The following HDAC9 variants were observed in gnomAD, a reference collection of about 807,000 sequenced individuals.
HDAC9 encodes the protein MEF-2 interacting transcription repressor (MITR) protein.
In HDAC9, 41 loss-of-function variants were observed where a neutral mutation model predicts 139.4. That is an observed-to-expected ratio of 0.29 (90% confidence interval 0.23 to 0.38). HDAC9 has a LOEUF of 0.38. HDAC9 is among the 10% of genes least tolerant of loss of function. HDAC9 has a pLI of 1.00. For synonymous variants in HDAC9, 517 were observed against 476.2 expected, an observed-to-expected ratio of 1.09 and a Z score of -1.12; for missense variants, 1,147 against 1,297.0, an observed-to-expected ratio of 0.88 and a Z score of 1.78.
Position 18,552,212 on chromosome 7 carries a change from G to T in HDAC9, c.23-33069G>T, listed in dbSNP as rs1817382087. ...GTATTTTTACATTAGGTTTATGTAGGTTTATAGGTGGAAATATAAATTATT... is the reference window on the plus strand; with the variant it reads ...GTATTTTTACATTAGGTTTATGTAGTTTTATAGGTGGAAATATAAATTATT... On this transcript the variant is annotated intron_variant, in intron 2 of 25. Transcript: ENST00000686413. Among the ~76,000 whole-genome samples the T allele has an allele frequency of 2.0e-5, 3 of 152,218 alleles. No individual in the cohort carries two copies. In the South Asian group the frequency reaches 6.2e-4, roughly 32 times the overall value.
At chr7:18,348,514 G>A (rs1224055110) in intron 1 of HDAC9, among the ~76,000 whole-genome samples, 1 of 152,060 alleles carries the variant, frequency 6.6e-6, no homozygotes, top group Non-Finnish European at 1.5e-5. Context: ...CTGTTTTTAG[G>A]CATCTATTAT....
chr7:18,610,462 A>G (rs1836801904), intron 6 of HDAC9, among the ~76,000 whole-genome samples: 1 of 152,004 alleles, frequency 6.6e-6, no homozygotes, highest in Non-Finnish European at 1.5e-5. Context: ...AGCAAAAACA[A>G]ACACTCTTTC....
chr7:18,836,204 C>T (rs1796226798), intron 21 of HDAC9, among the ~76,000 whole-genome samples: 1 of 152,124 alleles, frequency 6.6e-6, no homozygotes, highest in South Asian at 2.1e-4. Context: ...TTCCCCCTTC[C>T]CTCCCAAATA....
intron 13 of HDAC9, among the ~76,000 whole-genome samples, chr7:18,744,180 C>T (rs558703704): frequency 3.3e-5 from 5 of 151,866 alleles, no homozygotes; most frequent in East Asian, 3.9e-4. Context: ...TTAGTAGAGA[C>T]GGGGTTTCTC....
chr7:18,578,101 G>A (rs960411172), intron 2 of HDAC9: 4 of 518,376 alleles, frequency 7.7e-6, no homozygotes, highest in African/African-American at 5.8e-5. Flanking sequence ...AGAGTGCTCT[G>A]CTCCAGACCT....
intron 2 of HDAC9, among the ~76,000 whole-genome samples, chr7:18,499,824 T>C (rs1274563892): frequency 6.6e-6 from 1 of 152,216 alleles, no homozygotes; most frequent in African/African-American, 2.4e-5. Context: ...TTTATATATC[T>C]TCACCCTTTT....
chr7:18,121,594 A>T (rs1442182472), intron 1 of HDAC9, among the ~76,000 whole-genome samples: 1 of 152,140 alleles, frequency 6.6e-6, no homozygotes, highest in Non-Finnish European at 1.5e-5. Flanking sequence ...TTGAAAAAAC[A>T]GCTTTTAATC....
At chr7:18,832,739 AT>A (rs374428028) in intron 19 of HDAC9, among the ~76,000 whole-genome samples, 64 of 147,200 alleles carry the variant, frequency 4.3e-4, no homozygotes, top group African/African-American at 1.6e-3. Flanking sequence ...ATATATATAT[AT>A]TTTTTTTTTC....
At chr7:18,157,534 T>G (rs1034466463) in intron 1 of HDAC9, among the ~76,000 whole-genome samples, 2 of 152,142 alleles carry the variant, frequency 1.3e-5, no homozygotes, top group African/African-American at 4.8e-5. Context: ...AACAAACAAT[T>G]AATTGAGCTA....
At chr7:18,689,937 A>G (rs1782555089) in intron 12 of HDAC9, among the ~76,000 whole-genome samples, 1 of 152,066 alleles carries the variant, frequency 6.6e-6, no homozygotes, top group Admixed American at 6.6e-5. Flanking sequence ...TTCCATTATG[A>G]TGTGTAGAAG....
rs199549966 is a variant in HDAC9 at position 18,514,618 on chromosome 7, T to C, written c.22+18294T>C. On this transcript the variant is annotated intron_variant, in intron 2 of 25. Transcript: ENST00000686413. ...ATAAGTAAATAATTGTTTCCAGCTA[T>C]CTTTTTTCCCCAGTTTATTTTAATC... is the stretch of plus-strand genomic sequence containing the variant. Among the ~76,000 whole-genome samples, 28 of 152,320 alleles carry C rather than the reference T, an allele frequency of 1.8e-4. No homozygotes were observed. The East Asian group carries it at 5.4e-3, about 29-fold the overall frequency.
chr7:18,451,496 TTAGA>T (rs1311912262), intron 1 of HDAC9, among the ~76,000 whole-genome samples: 1 of 151,076 alleles, frequency 6.6e-6, no homozygotes, highest in East Asian at 2.0e-4. Context: ...TTGGATTACA[TTAGA>T]TAGATATGCA....
At chr7:18,131,943 C>T (rs776594460) in intron 1 of HDAC9, among the ~76,000 whole-genome samples, 7 of 152,092 alleles carry the variant, frequency 4.6e-5, no homozygotes, top group Admixed American at 2.0e-4. Flanking sequence ...AAGAGGCTGG[C>T]GTCAAGTATT....
chr7:18,731,603 C>G, intron 13 of HDAC9, among the ~76,000 whole-genome samples: 1 of 152,080 alleles, frequency 6.6e-6, no homozygotes, highest in East Asian at 1.9e-4. Flanking sequence ...AGAAAGTAGG[C>G]ATAAATTGCA....
chr7:18,678,270 G>A (rs1781658525), intron 12 of HDAC9, among the ~76,000 whole-genome samples: 1 of 151,704 alleles, frequency 6.6e-6, no homozygotes, highest in Non-Finnish European at 1.5e-5. Flanking sequence ...GTTAATACTA[G>A]TTTTTAGCAA....
chr7:18,277,194 G>C (rs1584967454), intron 2 of HDAC9, among the ~76,000 whole-genome samples: 1 of 60,872 alleles, frequency 1.6e-5, no homozygotes, highest in Admixed American at 2.7e-4. Context: ...AAGGAGATAG[G>C]AAACAATGAT....
chr7:18,830,863 C>T (rs561480550), intron 19 of HDAC9, among the ~76,000 whole-genome samples: 18 of 152,248 alleles, frequency 1.2e-4, no homozygotes, highest in Middle Eastern at 3.4e-3. Context: ...TACAATTTTA[C>T]AAAAATCAAG....
chr7:18,823,122 A>C (rs1372544596), intron 17 of HDAC9, among the ~76,000 whole-genome samples: 2 of 152,220 alleles, frequency 1.3e-5, no homozygotes, highest in Admixed American at 1.3e-4. Context: ...AGAGGGACTA[A>C]GATTAAGTGC....
chr7:18,327,821 A>AT lies in HDAC9; in HGVS notation c.-42+37312dup, dbSNP rs1446555788. The AT allele has an allele frequency of 2.0e-5, 3 of 151,970 alleles. No homozygotes were observed. The South Asian group carries it at 6.2e-4, about 31-fold the overall frequency. 9.4% of individuals were successfully genotyped at this position (151,970 alleles called of 1,614,324 possible). A position where few individuals can be genotyped will look rare whatever the true frequency, so the allele number is the denominator to read the frequency against. On this transcript the variant is annotated intron_variant, in intron 1 of 3. Coordinates refer to the HDAC9 transcript ENST00000413509. ...ACTTCCTGATTTTAATTACATAACA[A>AT]TTTTTTGGTTATTTTAATATTCATT...
Sources: allele counts gnomAD v4.1 joint callset (sites outside exome capture counted in the v4.1 genomes callset), GRCh38; gene constraint gnomAD v4.1.1; transcripts MANE v1.5; gene names NCBI Gene and HGNC (gene_info 2026-07-23, HGNC 2026-07-21).